Variants in PCDHA6 observed in about 807,000 individuals in gnomAD.
PCDHA6 encodes the protein protocadherin alpha-6.
PCDHA6 carries 55 observed loss-of-function variants against 60.3 expected under a neutral mutation model. The observed-to-expected ratio is 0.91, with a 90% confidence interval of 0.73 to 1.14. The LOEUF (loss-of-function observed/expected upper bound fraction) is 1.14, where lower values mean the gene tolerates loss of function less well. Ranked by LOEUF, PCDHA6 falls within the 50% of genes most tolerant of loss-of-function variation. The pLI, the probability that PCDHA6 is intolerant of heterozygous loss-of-function variation, is 0.00. For synonymous variants in PCDHA6, 652 were observed against 557.9 expected (o/e 1.17, Z -2.38); for missense variants, 1,327 against 1,256.5 (o/e 1.06, Z -0.85).
chr5:140,852,738 C>A, intron 1 of PCDHA6: 1 of 983,624 alleles, frequency 1.0e-6, no homozygotes, highest in Non-Finnish European at 1.2e-6. Flanking sequence ...TTTCATGTGC[C>A]ATTTAAACTT....
At chr5:140,999,554 G>T (rs2097862771) in intron 3 of PCDHA6, among the ~76,000 whole-genome samples, 1 of 152,158 alleles carries the variant, frequency 6.6e-6, no homozygotes, top group Non-Finnish European at 1.5e-5. Context: ...TGAAGAGGGG[G>T]TATTTTGAGA....
At chr5:141,007,573 T>G (rs2153992759) in intron 3 of PCDHA6, among the ~76,000 whole-genome samples, 1 of 151,796 alleles carries the variant, frequency 6.6e-6, no homozygotes, top group African/African-American at 2.4e-5. Context: ...ATCTCAAATT[T>G]AAAAAATAAT....
intron 1 of PCDHA6, among the ~76,000 whole-genome samples, chr5:140,960,125 G>A (rs2153724181): frequency 6.6e-6 from 1 of 152,336 alleles, no homozygotes; most frequent in East Asian, 1.9e-4. Context: ...TATTCCTTAT[G>A]AAATACTTAG....
At chr5:140,949,005 A>G (rs1554218775) in intron 1 of PCDHA6, among the ~76,000 whole-genome samples, 1 of 151,654 alleles carries the variant, frequency 6.6e-6, no homozygotes, top group African/African-American at 2.4e-5. Context: ...ACTAATTTTT[A>G]TATGTGATGT....
At chr5:141,009,439 G>A (rs187486568) in intron 3 of PCDHA6, among the ~76,000 whole-genome samples, 188 bp from the exon 4 acceptor site, 1 of 152,244 alleles carries the variant, frequency 6.6e-6, no homozygotes, top group East Asian at 1.9e-4. Context: ...GGGAAATCCT[G>A]TCTCAAAAAA....
chr5:140,972,350 A>G (rs897251940), intron 1 of PCDHA6, among the ~76,000 whole-genome samples: 3 of 150,008 alleles, frequency 2.0e-5, no homozygotes, highest in Admixed American at 1.3e-4. Flanking sequence ...GGGTCTCACT[A>G]TGTTGCACAT....
chr5:140,982,584 C>T (rs1554244599), intron 3 of PCDHA6, 21 bp downstream of exon 3: 1 of 1,612,032 alleles, frequency 6.2e-7, no homozygotes, highest in East Asian at 2.2e-5. Flanking sequence ...GGGGTCTCTC[C>T]ATTCTTTCTT....
chr5:140,918,680 C>A (rs1291001659), intron 1 of PCDHA6, among the ~76,000 whole-genome samples: 2 of 152,084 alleles, frequency 1.3e-5, no homozygotes, highest in Admixed American at 1.3e-4. Flanking sequence ...GAGGTGAGAC[C>A]TTTCAAACAT....
chr5:140,849,170 C>A lies in PCDHA6; in HGVS notation c.2394+18685C>A, dbSNP rs2150431916. 4.4e-5 allele frequency: 49 copies of A among 1,111,512 alleles called. No homozygotes were observed. The African/African-American group carries it at 7.8e-4, about 18-fold the overall frequency. 68.9% of individuals were successfully genotyped at this position (1,111,512 alleles called of 1,614,324 possible). ...GAGGCAAACCCGAGCTGACTGGCAC[C>A]GTTCAATTACTCATCACGGTACTGG... On this transcript the variant is annotated intron_variant, in intron 1 of 3. Transcript: ENST00000529310.
chr5:140,842,983 C>T (rs1554139609), intron 1 of PCDHA6: 2 of 1,594,998 alleles, frequency 1.3e-6, no homozygotes, highest in East Asian at 2.2e-5. Context: ...TGCAGGTGTT[C>T]GTGCTGGACG....
intron 1 of PCDHA6, chr5:140,927,238 G>A (rs782670286): frequency 1.2e-6 from 2 of 1,614,122 alleles, no homozygotes; most frequent in Non-Finnish European, 1.7e-6. Flanking sequence ...TCACGTCCTG[G>A]ACACCAATGA....
chr5:140,914,816 A>T (rs2076855290), intron 1 of PCDHA6, among the ~76,000 whole-genome samples: 1 of 152,208 alleles, frequency 6.6e-6, no homozygotes, highest in African/African-American at 2.4e-5. Context: ...AACTTAACAG[A>T]CTGCATAAAC....
At chr5:140,865,241 T>C (rs1581737051) in intron 1 of PCDHA6, 1 of 152,220 alleles carries the variant, frequency 6.6e-6, no homozygotes, top group Non-Finnish European at 1.5e-5. Context: ...AACACGTATT[T>C]ATAGCTGTAA....
Position 140,829,838 on chromosome 5 carries a change from C to A in PCDHA6, c.1747C>A (p.Arg583=), listed in dbSNP as rs2150175831. 1.2e-6 allele frequency: 2 copies of A among 1,613,924 alleles called. No individual in the cohort carries two copies. The highest frequency in any genetic ancestry group is 1.7e-6 in the Non-Finnish European group (2 of 1,179,894). The part of the protein sequence containing the change: ...TGGAVSELVP[R]SLGAGQVVAK... ...TGGTGCAGTGAGCGAGCTGGTGCCG[C>A]GGTCACTGGGTGCAGGCCAAGTGGT... Residue 583 remains arginine (R), a synonymous_variant, in exon 1 of 4, where the codon CGG becomes AGG. Coordinates refer to ENST00000529310, the MANE Select transcript of PCDHA6 (RefSeq NM_018909.4).
chr5:140,942,808 C>T (rs1175421349), intron 1 of PCDHA6, among the ~76,000 whole-genome samples: 1 of 151,920 alleles, frequency 6.6e-6, no homozygotes, highest in East Asian at 1.9e-4. Context: ...TTTCCACAAA[C>T]TAGTTGGATT....
chr5:141,006,436 A>G (rs2153987648), intron 3 of PCDHA6, among the ~76,000 whole-genome samples: 1 of 152,098 alleles, frequency 6.6e-6, no homozygotes, highest in African/African-American at 2.4e-5. Context: ...GATGGTCTCA[A>G]TCTCCTGACC....
chr5:140,951,237 T>G (rs1405165070), intron 1 of PCDHA6, among the ~76,000 whole-genome samples: 2 of 152,200 alleles, frequency 1.3e-5, no homozygotes, highest in African/African-American at 4.8e-5. Flanking sequence ...GTCTTTACCT[T>G]TAGGAATGCA....
intron 3 of PCDHA6, among the ~76,000 whole-genome samples, chr5:140,987,698 A>T (rs1213489735): frequency 6.6e-6 from 1 of 152,142 alleles, no homozygotes; most frequent in African/African-American, 2.4e-5. Flanking sequence ...TTTTTAAATG[A>T]TTTTTCCAGG....
intron 1 of PCDHA6, among the ~76,000 whole-genome samples, chr5:140,950,490 C>A (rs2153689793): frequency 6.6e-6 from 1 of 152,114 alleles, no homozygotes; most frequent in South Asian, 2.1e-4. Context: ...AGTGTGTAGT[C>A]ATTTAAGTCA....
Sources: gnomAD v4.1 joint callset for allele counts (sites outside exome capture counted in the v4.1 genomes callset) on GRCh38, gnomAD v4.1.1 for gene constraint, MANE v1.5 for transcripts, NCBI Gene and HGNC (gene_info 2026-07-23, HGNC 2026-07-21) for gene names.